Variants in UGT2B11 observed in about 807,000 individuals in gnomAD.
The protein encoded by UGT2B11 is UDP-glucuronosyltransferase 2B11.
In UGT2B11, 49 loss-of-function variants were observed where a neutral mutation model predicts 51.7. That is an observed-to-expected ratio of 0.95 (90% CI 0.75 to 1.20). UGT2B11 has a LOEUF of 1.20. Among genes scored for constraint, UGT2B11 ranks in the 50% most tolerant of loss-of-function variants. UGT2B11 has a pLI of 0.00. For missense variants in UGT2B11, 810 were observed against 622.1 expected, an observed-to-expected ratio of 1.30 and a Z score of -3.21; for synonymous variants, 273 against 209.0, an observed-to-expected ratio of 1.31 and a Z score of -2.64.
upstream of UGT2B11, chr4:69,216,729 G>A (rs2109958796): frequency 6.6e-6 from 1 of 151,884 alleles, no homozygotes; most frequent in Admixed American, 6.6e-5. Context: ...TGACAATAGA[G>A]GTTTTGGAAA....
upstream of UGT2B11, chr4:69,214,797 G>C: frequency 6.5e-7 from 1 of 1,535,884 alleles, no homozygotes; most frequent in East Asian, 2.3e-5. Flanking sequence ...AATCAATCAA[G>C]TTAAAATATA....
At chr4:69,205,101 C>G (rs1200798048) in intron 4 of UGT2B11, among the ~76,000 whole-genome samples, 1 of 151,576 alleles carries the variant, frequency 6.6e-6, no homozygotes, top group African/African-American at 2.4e-5. Flanking sequence ...GAATTTAGTC[C>G]TCCAGAAAAT....
chr4:69,218,731 A>T (rs557580621), upstream of UGT2B11, among the ~76,000 whole-genome samples: 322 of 152,208 alleles, frequency 2.1e-3, no homozygotes, highest in Middle Eastern at 6.8e-3. Flanking sequence ...ATTGAAAGCT[A>T]TGACATTACA....
rs546752504 is a variant in UGT2B11 at position 69,212,690 on chromosome 4, T to C, written c.753A>G (p.Gly251=). ...TTCGCATAAGCCATATGTCAGCTTT[T>C]CCCATTGTCTCAAATAAGGTAGTGG... ...GRPTTLFETM[G]KADIWLMRNS... is the part of the protein sequence containing the mutation. The change falls in exon 2 of 6, where the codon GGA becomes GGG. Residue 251 remains glycine (G), a synonymous_variant. Transcript: ENST00000446444. 9.2e-5 allele frequency: 148 copies of C among 1,609,506 alleles called. 2 individuals carry two copies. The African/African-American group carries it at 1.2e-3, about 14-fold the overall frequency.
In UGT2B11 at chr4:69,214,444, C is replaced by G; in HGVS notation, c.279G>C (p.Gln93His). Residue 93 changes from glutamine to histidine, a missense_variant, in exon 1 of 6, where the codon CAG becomes CAC. Physicochemically the swap from Gln to His is conservative, Grantham distance 24. Coordinates refer to ENST00000446444, the MANE Select transcript of UGT2B11 (RefSeq NM_001073.3). ...KTEFENIIMQ[Q>H]VKRWSDIRKD... ...TTCGAATGTCTGACCATCTCTTAACCTGTTGCATGATGATATTCTCAAATT... is the reference window on the plus strand; with the variant it reads ...TTCGAATGTCTGACCATCTCTTAACGTGTTGCATGATGATATTCTCAAATT... 1.2e-6 allele frequency: 2 copies of G among 1,613,180 alleles called. No individual in the cohort carries two copies. The highest frequency in any genetic ancestry group is 1.7e-6 in the Non-Finnish European group (2 of 1,179,502).
chr4:69,217,298 A>C (rs1221008794), upstream of UGT2B11, among the ~76,000 whole-genome samples: 1 of 152,150 alleles, frequency 6.6e-6, no homozygotes, highest in African/African-American at 2.4e-5. Context: ...GAAAAGATGC[A>C]TGTCACAAAA....
At chr4:69,211,462 A>T (rs1391571743) in intron 2 of UGT2B11, among the ~76,000 whole-genome samples, 1 of 151,558 alleles carries the variant, frequency 6.6e-6, no homozygotes, top group East Asian at 1.9e-4. Flanking sequence ...GGTTCTCTTA[A>T]ATGAGGAATG....
chr4:69,208,369 A>T lies in UGT2B11; in HGVS notation c.984T>A (p.Leu328=), dbSNP rs138204701. ...ATCTTACCTTTTGTGGGATCTTGGC[A>T]AGGGCTGTTGCAATTACATTGGCCC... The part of the protein sequence containing the change: ...AERANVIATA[L]AKIPQKVLWR... Residue 328 remains leucine (L), a synonymous_variant, in exon 3 of 6, where the codon CTT becomes CTA. Coordinates refer to ENST00000446444, the MANE Select transcript of UGT2B11 (RefSeq NM_001073.3). The T allele has an allele frequency of 1.2e-6, 2 of 1,611,064 alleles. No homozygotes were observed. Among genetic ancestry groups the T allele is most frequent in the East Asian group, 4.5e-5 (2 of 44,752 alleles).
At chr4:69,216,551 C>T (rs1177348661), upstream of UGT2B11, 4 of 151,328 alleles carry the variant, frequency 2.6e-5, no homozygotes, top group East Asian at 1.9e-4. Flanking sequence ...TGTATTTCAT[C>T]GGCCACACCA....
intron 5 of UGT2B11, among the ~76,000 whole-genome samples, chr4:69,200,959 T>G (rs1721636226): frequency 6.6e-6 from 1 of 151,850 alleles, no homozygotes; most frequent in Admixed American, 6.6e-5. Context: ...TTAATTTTTT[T>G]CAAGCAGAGA....
At chr4:69,215,097 C>T (rs180785513), upstream of UGT2B11, 766 of 169,700 alleles carry the variant, frequency 4.5e-3, 2 homozygotes, top group South Asian at 0.019. Context: ...TTTTGAATAT[C>T]GTGGTTCAAT....
At chr4:69,221,337 A>G in the UGT2B11 span, among the ~76,000 whole-genome samples, 1 of 152,174 alleles carries the variant, frequency 6.6e-6, no homozygotes, top group African/African-American at 2.4e-5. Flanking sequence ...ATTTCTAACA[A>G]TATCCTGTAA....
upstream of UGT2B11, chr4:69,216,369 T>C (rs1012442142): frequency 2.6e-5 from 4 of 152,026 alleles, no homozygotes; most frequent in Non-Finnish European, 1.5e-5. Flanking sequence ...TCTTGATCAA[T>C]TTCATAAATA....
the UGT2B11 span, among the ~76,000 whole-genome samples, chr4:69,223,361 C>T: frequency 6.6e-6 from 1 of 152,282 alleles, no homozygotes; most frequent in Admixed American, 6.5e-5. Flanking sequence ...AGGGCGTCCC[C>T]CACAGGTCAG....
rs750200241 is a variant in UGT2B11, at chr4:69,214,575, C to G, written c.148G>C (p.Gly50Arg). Residue 50 changes from glycine (G) to arginine (R), a missense_variant, in exon 1 of 6, where the codon GGT (glycine) becomes CGT (arginine). Transcript: ENST00000446444. ...GATGCCAGTACAGTCACCTCATGACCTCTCTGAACAAGCTCTTTCAGGATT... is the reference window on the plus strand; with the variant it reads ...GATGCCAGTACAGTCACCTCATGACGTCTCTGAACAAGCTCTTTCAGGATT... ...KTILKELVQRGHEVTVLASSA... is the reference protein window; with the variant it reads ...KTILKELVQRRHEVTVLASSA... 21 of 1,613,134 alleles carry G rather than the reference C, an allele frequency of 1.3e-5. No homozygotes were observed. Among genetic ancestry groups the G allele is most frequent in the Non-Finnish European group, 1.8e-5 (21 of 1,179,444 alleles).
upstream of UGT2B11, among the ~76,000 whole-genome samples, chr4:69,217,651 C>T (rs1452043040): frequency 1.3e-5 from 2 of 151,970 alleles, no homozygotes; most frequent in African/African-American, 4.8e-5. Context: ...ATTTTGAAGG[C>T]CAATTCTCCT....
At chr4:69,204,779 G>T (rs1278244912) in intron 4 of UGT2B11, 130 bp from the exon 5 acceptor site, 13 of 1,417,266 alleles carry the variant, frequency 9.2e-6, no homozygotes, top group East Asian at 2.3e-5. Flanking sequence ...TCAGACTTCA[G>T]ATGAAAAAGC....
the UGT2B11 span, among the ~76,000 whole-genome samples, chr4:69,223,955 G>A: frequency 6.6e-6 from 1 of 152,146 alleles, no homozygotes; most frequent in African/African-American, 2.4e-5. Flanking sequence ...AGCAATGGAG[G>A]AAATGCCCTA....
rs1248834642 is a variant in UGT2B11 at position 69,204,526 on chromosome 4, T to G, written c.1214A>C (p.His405Pro). 1.2e-6 allele frequency: 2 copies of G among 1,612,388 alleles called. No homozygotes were observed. The highest frequency in any genetic ancestry group is 2.2e-5 in the South Asian group (2 of 91,048). ...LFFDQPDNIA[H>P]MKAKGAAVRL... is the part of the protein sequence containing the mutation. ...AACAGCTGCTCCCTTGGCCTTCATGTGAGCAATGTTATCAGGTTGATCAAA... is the reference window on the plus strand; with the variant it reads ...AACAGCTGCTCCCTTGGCCTTCATGGGAGCAATGTTATCAGGTTGATCAAA... The change falls in exon 5 of 6, where the codon CAC (histidine) becomes CCC (proline). Residue 405 changes from histidine to proline, a missense_variant. Physicochemically the swap from His to Pro is moderately conservative, Grantham distance 77 (BLOSUM62 -2). Coordinates refer to ENST00000446444, the MANE Select transcript of UGT2B11 (RefSeq NM_001073.3).
Sources: gnomAD v4.1 joint callset for allele counts (sites outside exome capture counted in the v4.1 genomes callset) on GRCh38, gnomAD v4.1.1 for gene constraint, MANE v1.5 for transcripts, NCBI Gene and HGNC (gene_info 2026-07-23, HGNC 2026-07-21) for gene names.